Variants in RIT2 observed in about 807,000 individuals in gnomAD.
RIT2 encodes the protein Ras like without CAAX 2, also known as GTP-binding protein Rit2.
A neutral mutation model predicts 23.7 loss-of-function variants in RIT2; 24 were observed. The observed-to-expected ratio is 1.01, with a 90% CI of 0.73 to 1.43. The LOEUF (loss-of-function observed/expected upper bound fraction) is 1.43. RIT2 is among the 40% of genes most tolerant of loss of function. The probability of loss-of-function intolerance (pLI) is 0.00; values close to 1 mark genes in which losing one functional copy is unlikely to be tolerated. For missense variants in RIT2, 236 were observed against 266.9 expected (o/e 0.88, Z 0.81); for synonymous variants, 107 against 91.1 (o/e 1.17, Z -0.99).
intron 4 of RIT2, among the ~76,000 whole-genome samples, chr18:42,757,594 C>T (rs529072): frequency 0.65 from 98,727 of 152,122 alleles, 35,967 homozygotes; most frequent in Middle Eastern, 0.83. Flanking sequence ...CGTTTTCTGG[C>T]CTTACACACA....
chr18:42,980,017 G>T (rs1910560887), intron 2 of RIT2, among the ~76,000 whole-genome samples: 1 of 152,008 alleles, frequency 6.6e-6, no homozygotes, highest in African/African-American at 2.4e-5. Flanking sequence ...AAGACAAGGA[G>T]GGCTCTGCCA....
intron 4 of RIT2, among the ~76,000 whole-genome samples, chr18:42,842,475 A>G (rs1044969689): frequency 1.3e-5 from 2 of 152,154 alleles, no homozygotes; most frequent in African/African-American, 2.4e-5. Flanking sequence ...TTTTCTCAGT[A>G]TAAGAAAGTG....
chr18:42,964,184 C>G lies in RIT2; in HGVS notation c.234+9890G>C, dbSNP rs995312268. Among the ~76,000 whole-genome samples, 14 of 151,700 alleles carry G rather than the reference C, an allele frequency of 9.2e-5. 1 individual carries two copies. The highest frequency in any genetic ancestry group is 3.4e-4 in the African/African-American group (14 of 41,270). On this transcript the variant is annotated intron_variant, in intron 3 of 4. Transcript: ENST00000326695. ...CCAGCCTGGGCGAAAGGCCGAGACT[C>G]CATCTCAAAAAATAATAATAATAAA...
At chr18:42,884,162 A>C (rs1271161122) in intron 4 of RIT2, among the ~76,000 whole-genome samples, 3 of 152,214 alleles carry the variant, frequency 2.0e-5, no homozygotes, top group African/African-American at 7.2e-5. Context: ...TTCTAAGAAG[A>C]TGTGAGTAAC....
At chr18:42,924,927 G>C (rs1009685404) in intron 3 of RIT2, among the ~76,000 whole-genome samples, 2 of 152,034 alleles carry the variant, frequency 1.3e-5, no homozygotes, top group South Asian at 2.1e-4. Flanking sequence ...ATAAATTCCT[G>C]AGTTAATAAG....
chr18:43,083,221 A>T (rs1323785736), intron 1 of RIT2, among the ~76,000 whole-genome samples: 3 of 152,306 alleles, frequency 2.0e-5, no homozygotes, highest in Non-Finnish European at 2.9e-5. Flanking sequence ...TGCTCAAGAA[A>T]ATAAGAGAGG....
intron 3 of RIT2, 40 bp from the exon 4 acceptor site, chr18:42,923,803 A>G (rs1483243402): frequency 6.8e-7 from 1 of 1,464,242 alleles, no homozygotes; most frequent in African/African-American, 1.4e-5. Context: ...TGGGCTTTCA[A>G]TATAGCTAAT....
chr18:42,806,100 A>T (rs1035509099), intron 4 of RIT2, among the ~76,000 whole-genome samples: 5 of 140,034 alleles, frequency 3.6e-5, no homozygotes, highest in South Asian at 2.3e-4. Flanking sequence ...TAATAAAATT[A>T]ATATATATAT....
intron 2 of RIT2, among the ~76,000 whole-genome samples, chr18:42,982,710 G>A (rs1910623869): frequency 6.6e-6 from 1 of 152,024 alleles, no homozygotes; most frequent in Admixed American, 6.6e-5. Flanking sequence ...ATGGCATTGA[G>A]GATAGTGTCT....
intron 2 of RIT2, among the ~76,000 whole-genome samples, chr18:43,009,200 T>TAGA (rs771657108): frequency 1.3e-5 from 2 of 151,674 alleles, no homozygotes; most frequent in Non-Finnish European, 2.9e-5. Context: ...ATGTCTACAC[T>TAGA]AGAAAAAAAA....
chr18:42,835,864 T>C (rs1346665675), intron 4 of RIT2, among the ~76,000 whole-genome samples: 18 of 152,282 alleles, frequency 1.2e-4, no homozygotes, highest in Non-Finnish European at 1.5e-5. Flanking sequence ...TAAATAAAAA[T>C]AGTAAATTGA....
At chr18:42,897,654 T>C (rs182324047) in intron 4 of RIT2, among the ~76,000 whole-genome samples, 13 of 152,008 alleles carry the variant, frequency 8.6e-5, no homozygotes, top group African/African-American at 3.1e-4. Context: ...GGAAAAAAAA[T>C]GTATAAAACA....
chr18:43,058,806 T>G (rs1912570777), intron 1 of RIT2, among the ~76,000 whole-genome samples: 1 of 152,106 alleles, frequency 6.6e-6, no homozygotes, highest in South Asian at 2.1e-4. Flanking sequence ...GGAGAATTAC[T>G]TGAGCCTGGG....
intron 1 of RIT2, among the ~76,000 whole-genome samples, chr18:43,060,048 G>A (rs1394742273): frequency 6.6e-6 from 1 of 152,124 alleles, no homozygotes; most frequent in Non-Finnish European, 1.5e-5. Flanking sequence ...GTGAACTGAA[G>A]TTCATCCATG....
intron 1 of RIT2, among the ~76,000 whole-genome samples, chr18:43,100,835 G>C (rs1400969314): frequency 6.6e-6 from 1 of 151,832 alleles, no homozygotes; most frequent in Non-Finnish European, 1.5e-5. Flanking sequence ...TTTAGTTTTG[G>C]GGAATTTTAG....
At chr18:42,778,268 A>T (rs905919267) in intron 4 of RIT2, among the ~76,000 whole-genome samples, 2 of 152,220 alleles carry the variant, frequency 1.3e-5, no homozygotes, top group African/African-American at 4.8e-5. Context: ...AGAAAAAAAA[A>T]TCTTTACAGA....
intron 3 of RIT2, among the ~76,000 whole-genome samples, chr18:42,925,304 A>T (rs575050516): frequency 6.6e-6 from 1 of 152,036 alleles, no homozygotes; most frequent in Non-Finnish European, 1.5e-5. Context: ...TTGAAATCCT[A>T]TGTCGCAATC....
At chr18:42,952,083 A>T (rs537279676) in intron 3 of RIT2, among the ~76,000 whole-genome samples, 20 of 152,244 alleles carry the variant, frequency 1.3e-4, no homozygotes, top group Admixed American at 5.2e-4. Flanking sequence ...CCATGATTCA[A>T]TTACCTCCTA....
chr18:42,791,600 C>T (rs1914045310), intron 4 of RIT2, among the ~76,000 whole-genome samples: 1 of 152,128 alleles, frequency 6.6e-6, no homozygotes, highest in Non-Finnish European at 1.5e-5. Context: ...GTCTGTTTTT[C>T]TAAGATTGTT....
Sources: gnomAD v4.1 joint callset for allele counts (sites outside exome capture counted in the v4.1 genomes callset) on GRCh38, gnomAD v4.1.1 for gene constraint, MANE v1.5 for transcripts, NCBI Gene and HGNC (gene_info 2026-07-23, HGNC 2026-07-21) for gene names.